SELENOO: variants seen among roughly 807,000 people sequenced by gnomAD.
SELENOO encodes protein adenylyltransferase SelO, mitochondrial.
SELENOO carries 74 observed loss-of-function variants against 58.7 expected under a neutral mutation model. The observed-to-expected ratio is 1.26, with a 90% CI of 1.04 to 1.53. The LOEUF (loss-of-function observed/expected upper bound fraction) is 1.53. Among genes scored for constraint, SELENOO ranks in the 40% most tolerant of loss-of-function variants. The pLI, the probability that SELENOO is intolerant of heterozygous loss-of-function variation, is 0.00. For missense variants in SELENOO, 1,149 were observed against 970.0 expected (o/e 1.18, Z -2.45); for synonymous variants, 543 against 453.2 (o/e 1.20, Z -2.52).
At chr22:50,213,990 A>G (rs1240322383) in intron 5 of SELENOO, among the ~76,000 whole-genome samples, 1 of 152,196 alleles carries the variant, frequency 6.6e-6, no homozygotes, top group African/African-American at 2.4e-5. Context: ...TTAAGTCTCC[A>G]ACTCTTACTA....
rs767735443 is a variant in SELENOO, at chr22:50,208,635, T to C, written c.858T>C (p.Tyr286=). The change falls in exon 3 of 9, where the codon TAT becomes TAC. Residue 286 remains tyrosine (Y), a synonymous_variant. Coordinates refer to ENST00000380903, the MANE Select transcript of SELENOO (RefSeq NM_031454.2). ...ACATTCGAGTGCAGCTGCTCGACTA[T>C]GTCATCAGCTCCTTTTACCCCGAGA... is the stretch of plus-strand genomic sequence containing the variant. ...RNDIRVQLLD[Y]VISSFYPEIQ... 20 of 1,613,714 alleles carry C rather than the reference T, an allele frequency of 1.2e-5. No individual in the cohort carries two copies. Among genetic ancestry groups the C allele is most frequent in the Admixed American group, 8.3e-5 (5 of 60,000 alleles).
At chr22:50,211,767 G>A (rs2064372992) in intron 5 of SELENOO, among the ~76,000 whole-genome samples, 1 of 152,128 alleles carries the variant, frequency 6.6e-6, no homozygotes, top group Non-Finnish European at 1.5e-5. Flanking sequence ...GCAGTGGCAC[G>A]ATCTTGGCTC....
At chr22:50,210,451 G>A in intron 4 of SELENOO, 140 bp downstream of exon 4, 6 of 1,352,626 alleles carry the variant, frequency 4.4e-6, no homozygotes, top group Non-Finnish European at 6.0e-6. Flanking sequence ...AGGAAGTAGA[G>A]AGTCCAGGGC....
rs756116403 is a variant in SELENOO, at chr22:50,217,105, G to C, written c.1822G>C (p.Ala608Pro). Residue 608 changes from alanine (A) to proline (P), a missense_variant, in exon 8 of 9, where the codon GCC (alanine) becomes CCC (proline). Physicochemically the swap from Ala to Pro is conservative, Grantham distance 27. Transcript: ENST00000380903. ...CATCGCGCAGAATGCCATCGAGGCT[G>C]CCGAGCGCGGGGACTTCTCAGAGGC... ...NYIAQNAIEA[A>P]ERGDFSEVRR... 3.1e-6 allele frequency: 5 copies of C among 1,612,878 alleles called. No individual in the cohort carries two copies. In the African/African-American group the frequency reaches 5.3e-5, roughly 17 times the overall value.
Position 50,216,692 on chromosome 22 carries a change from C to G in SELENOO, c.1504C>G (p.Gln502Glu). The G allele has an allele frequency of 6.3e-7, 1 of 1,586,390 alleles. No individual in the cohort carries two copies. Among genetic ancestry groups the G allele is most frequent in the Non-Finnish European group, 8.5e-7 (1 of 1,170,438 alleles). The stretch of plus-strand genomic sequence containing the variant: ...CCAGACACCCTGGCCTCTCCACAGG[C>G]AGCTATCCATGATGCTGATGCTGGC... Reference protein sequence around the residue: ...LAFRPQMDPRQLSMMLMLAQS... With the variant: ...LAFRPQMDPRELSMMLMLAQS... The change falls in exon 7 of 9, where the codon CAG (glutamine) becomes GAG (glutamate). Residue 502 changes from glutamine (Q) to glutamate (E), a missense_variant and splice_region_variant. Gln to Glu is a conservative substitution (Grantham distance 29). Transcript: ENST00000380903.
chr22:50,207,450 T>C (rs1167703196), intron 2 of SELENOO, among the ~76,000 whole-genome samples: 3 of 152,010 alleles, frequency 2.0e-5, no homozygotes, highest in Admixed American at 6.6e-5. Flanking sequence ...TGATGTCACC[T>C]TGCCACCTGG....
chr22:50,216,986 A>G lies in SELENOO; in HGVS notation c.1703A>G (p.Lys568Arg), dbSNP rs1338528809. 6.2e-7 allele frequency: 1 copy of G among 1,609,752 alleles called. No homozygotes were observed. The highest frequency in any genetic ancestry group is 8.5e-7 in the Non-Finnish European group (1 of 1,178,744). ...WLQAYRARLD[K>R]DLEGAGDAAA... ...TGTCATTCCAGAGCCCGGCTGGACA[A>G]GGACCTGGAAGGCGCTGGGGACGCT... The change falls in exon 8 of 9, where the codon AAG becomes AGG. Residue 568 changes from lysine (K) to arginine (R), a missense_variant. Physicochemically the swap from Lys to Arg is conservative, Grantham distance 26. Coordinates refer to ENST00000380903, the MANE Select transcript of SELENOO (RefSeq NM_031454.2).
intron 5 of SELENOO, among the ~76,000 whole-genome samples, chr22:50,213,416 CT>C (rs1311979916): frequency 1.3e-5 from 2 of 152,246 alleles, no homozygotes; most frequent in Admixed American, 1.3e-4. Context: ...AGATGTCAGC[CT>C]TTTGAGGTTT....
At chr22:50,202,264 C>T (rs939577871) in intron 1 of SELENOO, among the ~76,000 whole-genome samples, 2 of 152,172 alleles carry the variant, frequency 1.3e-5, no homozygotes, top group East Asian at 1.9e-4. Flanking sequence ...GCATCTCATC[C>T]GGCCCCTCCC....
Position 50,210,618 on chromosome 22 carries a change from C to A in SELENOO, c.1071-13C>A. On this transcript the variant is annotated splice_polypyrimidine_tract_variant and intron_variant, in intron 4 of 8. Coordinates refer to ENST00000380903, the MANE Select transcript of SELENOO (RefSeq NM_031454.2). ...TCTCAGGCAGGGCGTGGCTCTCTTG[C>A]CCCGTGTGGCAGGTACGACCCCGAC... 1 of 1,612,794 alleles carries A rather than the reference C, an allele frequency of 6.2e-7. No homozygotes were observed. Among genetic ancestry groups the A allele is most frequent in the Non-Finnish European group, 8.5e-7 (1 of 1,179,808 alleles).
At chr22:50,213,292 C>T (rs1046805125) in intron 5 of SELENOO, among the ~76,000 whole-genome samples, 2 of 152,142 alleles carry the variant, frequency 1.3e-5, no homozygotes, top group East Asian at 1.9e-4. Flanking sequence ...AACACCTGAT[C>T]GCAAGTGATC....
chr22:50,217,077 C>T lies in SELENOO; in HGVS notation c.1794C>T (p.Asn598=). 6.2e-7 allele frequency: 1 copy of T among 1,612,988 alleles called. No homozygotes were observed. Among genetic ancestry groups the T allele is most frequent in the East Asian group, 2.2e-5 (1 of 44,880 alleles). ...ACAACCCGAAGTACGTGCTGAGGAA[C>T]TACATCGCGCAGAATGCCATCGAGG... is the stretch of plus-strand genomic sequence containing the variant. ...HANNPKYVLR[N]YIAQNAIEAA... Residue 598 remains asparagine (N), a synonymous_variant, in exon 8 of 9, where the codon AAC becomes AAT. Transcript: ENST00000380903.
At chr22:50,202,017 G>T (rs1230580524) in intron 1 of SELENOO, among the ~76,000 whole-genome samples, 5 of 152,192 alleles carry the variant, frequency 3.3e-5, no homozygotes, top group Non-Finnish European at 7.3e-5. Flanking sequence ...AGTGAGGTGG[G>T]CATCGTTTAG....
In SELENOO at chr22:50,201,531, G is replaced by A. The variant is rs1173399273; in HGVS notation, c.495G>A (p.Thr165=). Residue 165 remains threonine, a synonymous_variant, in exon 1 of 9, where the codon ACG becomes ACA. Transcript: ENST00000380903. ...CCATGTACCTGGGCGAGGTGTGCAC[G>A]GCGACCGGCGAGCGCTGGGAGCTGC... is the stretch of plus-strand genomic sequence containing the variant. ...GAAMYLGEVC[T]ATGERWELQL... The A allele has an allele frequency of 1.4e-6, 2 of 1,417,090 alleles. No homozygotes were observed. The highest frequency in any genetic ancestry group is 1.8e-6 in the Non-Finnish European group (2 of 1,083,968). The allele number at this position is 1,417,090 out of a possible 1,614,324, so 87.8% of individuals were successfully genotyped here.
chr22:50,216,010 C>A, intron 6 of SELENOO, 143 bp downstream of exon 6: 1 of 670,682 alleles, frequency 1.5e-6, no homozygotes, highest in Non-Finnish European at 2.5e-6. Flanking sequence ...TCAGTCAGGG[C>A]TTCAGGGCAT....
intron 2 of SELENOO, among the ~76,000 whole-genome samples, chr22:50,207,224 G>A (rs1000486242): frequency 1.3e-5 from 2 of 152,078 alleles, no homozygotes; most frequent in African/African-American, 4.8e-5. Flanking sequence ...CCGGGTTCAA[G>A]CGATTCTCCT....
rs369820789 is a variant in SELENOO at position 50,206,372 on chromosome 22, G to A, written c.610G>A (p.Glu204Lys). The A allele has an allele frequency of 3.4e-5, 55 of 1,614,096 alleles. No individual in the cohort carries two copies. The highest frequency in any genetic ancestry group is 1.6e-4 in the South Asian group (15 of 91,080). Residue 204 changes from glutamate (E) to lysine (K), a missense_variant, in exon 2 of 9, where the codon GAA (glutamate) becomes AAA (lysine). By Grantham distance (56) the Glu-to-Lys change is moderately conservative. Coordinates refer to ENST00000380903, the MANE Select transcript of SELENOO (RefSeq NM_031454.2). ...RSSIREFLCS[E>K]AMFHLGVPTT... Reference sequence around the variant, plus strand: ...AAGCATCCGGGAGTTTCTATGCAGCGAAGCCATGTTCCACCTGGGAGTCCC... The same window carrying A: ...AAGCATCCGGGAGTTTCTATGCAGCAAAGCCATGTTCCACCTGGGAGTCCC...
At chr22:50,202,169 A>G (rs976677769) in intron 1 of SELENOO, among the ~76,000 whole-genome samples, 3 of 152,140 alleles carry the variant, frequency 2.0e-5, no homozygotes, top group African/African-American at 7.2e-5. Flanking sequence ...TTTTCTACTA[A>G]ACAATGTACT....
rs369461259 is a variant in SELENOO at position 50,208,700 on chromosome 22, C to T, written c.923C>T (p.Ala308Val). 13 of 1,612,580 alleles carry T rather than the reference C, an allele frequency of 8.1e-6. No homozygotes were observed. The African/African-American group carries it at 1.1e-4, about 13-fold the overall frequency. Residue 308 changes from alanine to valine, a missense_variant, in exon 3 of 9, where the codon GCT (alanine) becomes GTT (valine). Transcript: ENST00000380903. ...AHASDSVQRN[A>V]AFFREVTRRT... ...GCCAGCGACAGCGTGCAGAGAAATG[C>T]TGCCTTCTTCCGGGAGGTCAGTGGG...
Sources: gnomAD v4.1 joint callset for allele counts (sites outside exome capture counted in the v4.1 genomes callset) on GRCh38, gnomAD v4.1.1 for gene constraint, MANE v1.5 for transcripts, NCBI Gene and HGNC (gene_info 2026-07-23, HGNC 2026-07-21) for gene names.